IQCM: variants seen among roughly 807,000 people sequenced by gnomAD.
IQCM encodes the protein IQ domain-containing protein M.
A neutral mutation model predicts 57.6 loss-of-function variants in IQCM; 45 were observed. The ratio of observed to expected loss-of-function variants is 0.78; its 90% CI spans 0.62 to 1.00. The LOEUF is 1.00. Ranked by LOEUF, IQCM falls within the 50% of genes least tolerant of loss-of-function variation. IQCM has a pLI of 0.00. For synonymous variants in IQCM, 148 were observed against 158.9 expected (o/e 0.93, Z 0.51); for missense variants, 468 against 511.6 (o/e 0.91, Z 0.82).
At chr4:149,537,861 T>C (rs1747456096) in intron 12 of IQCM, among the ~76,000 whole-genome samples, 2 of 151,610 alleles carry the variant, frequency 1.3e-5, no homozygotes, top group Non-Finnish European at 2.9e-5. Context: ...GAATTCTATA[T>C]CCAGCAAAAA....
chr4:149,568,914 G>A (rs1184677522), intron 9 of IQCM, among the ~76,000 whole-genome samples: 5 of 152,146 alleles, frequency 3.3e-5, no homozygotes, highest in Admixed American at 6.5e-5. Context: ...TCATCAAGAG[G>A]TGGAGTCTAT....
intron 5 of IQCM, chr4:149,690,849 G>A (rs1762892694): frequency 6.6e-6 from 1 of 152,080 alleles, no homozygotes; most frequent in Non-Finnish European, 1.5e-5. Context: ...TTTACTCGGA[G>A]AAGCAACTTT....
chr4:149,527,009 G>A (rs951544920), intron 12 of IQCM, among the ~76,000 whole-genome samples: 9 of 152,210 alleles, frequency 5.9e-5, no homozygotes, highest in African/African-American at 2.2e-4. Flanking sequence ...AGTACAGCAA[G>A]AGGAATTCTA....
intron 12 of IQCM, among the ~76,000 whole-genome samples, chr4:149,470,314 G>A (rs1401441065): frequency 6.6e-6 from 1 of 151,852 alleles, no homozygotes; most frequent in African/African-American, 2.4e-5. Flanking sequence ...AAAAGCAGGG[G>A]TTGCAATACA....
chr4:149,737,886 C>CT (rs1206132101), intron 3 of IQCM, among the ~76,000 whole-genome samples: 1 of 152,094 alleles, frequency 6.6e-6, no homozygotes, highest in Non-Finnish European at 1.5e-5. Flanking sequence ...TTTTAATTCC[C>CT]TTTTTCTGAC....
intron 12 of IQCM, among the ~76,000 whole-genome samples, chr4:149,529,816 C>T (rs1178296874): frequency 2.0e-5 from 3 of 152,162 alleles, no homozygotes; most frequent in East Asian, 3.9e-4. Context: ...ACAGCCCATT[C>T]ACATGAAAGT....
At chr4:149,690,744 A>T (rs1415837557) in intron 5 of IQCM, 1 of 152,114 alleles carries the variant, frequency 6.6e-6, no homozygotes, top group African/African-American at 2.4e-5. Context: ...GGCTGTATTT[A>T]TAAGGTATTG....
intron 7 of IQCM, among the ~76,000 whole-genome samples, chr4:149,653,739 C>T (rs1172991410): frequency 6.6e-6 from 1 of 152,030 alleles, no homozygotes; most frequent in African/African-American, 2.4e-5. Flanking sequence ...CATTTAGAGG[C>T]TGTTTTATAA....
intron 13 of IQCM, among the ~76,000 whole-genome samples, chr4:149,424,823 C>T (rs1161022132): frequency 6.6e-6 from 1 of 151,870 alleles, no homozygotes; most frequent in African/African-American, 2.4e-5. Flanking sequence ...AATTATCATC[C>T]TTATAAATAA....
intron 9 of IQCM, among the ~76,000 whole-genome samples, chr4:149,575,923 C>T (rs147239697): frequency 5.3e-5 from 8 of 151,806 alleles, no homozygotes; most frequent in African/African-American, 1.4e-4. Flanking sequence ...ACTGCTGCTG[C>T]TTGGTTTCAA....
At chr4:149,513,141 C>A (rs986948090) in intron 12 of IQCM, among the ~76,000 whole-genome samples, 8 of 152,098 alleles carry the variant, frequency 5.3e-5, no homozygotes, top group African/African-American at 1.7e-4. Context: ...GAAAAATTTA[C>A]CATTTCCCAT....
intron 13 of IQCM, among the ~76,000 whole-genome samples, chr4:149,412,066 T>C (rs897930971): frequency 6.7e-6 from 1 of 148,730 alleles, no homozygotes; most frequent in South Asian, 2.2e-4. Context: ...GTGTGTGTGT[T>C]TGTGTGTGTG....
At chr4:149,430,056 G>A (rs1386834999) in intron 13 of IQCM, 1 of 1,211,670 alleles carries the variant, frequency 8.3e-7, no homozygotes, top group Non-Finnish European at 1.0e-6. Context: ...TAGCAGTCAG[G>A]TTCTTAATTC....
At chr4:149,373,326 C>G (rs927429143) in intron 13 of IQCM, among the ~76,000 whole-genome samples, 2 of 152,004 alleles carry the variant, frequency 1.3e-5, no homozygotes, top group Non-Finnish European at 2.9e-5. Context: ...GACTTCAAAC[C>G]TAAGTAGTGT....
At chr4:149,450,139 G>A (rs529398284) in intron 12 of IQCM, among the ~76,000 whole-genome samples, 2 of 151,876 alleles carry the variant, frequency 1.3e-5, no homozygotes, top group Non-Finnish European at 2.9e-5. Flanking sequence ...GTTGTACTGA[G>A]AAAACTGGAT....
chr4:149,814,327 C>G (rs1264889039), intron 2 of IQCM, among the ~76,000 whole-genome samples: 1 of 151,960 alleles, frequency 6.6e-6, no homozygotes, highest in East Asian at 1.9e-4. Context: ...AATCATGTTA[C>G]AAGCCTGTAA....
chr4:149,373,806 A>T (rs1730525919), intron 13 of IQCM, among the ~76,000 whole-genome samples: 1 of 152,064 alleles, frequency 6.6e-6, no homozygotes, highest in African/African-American at 2.4e-5. Context: ...AACACTGAGA[A>T]ATTTTAAAAA....
intron 7 of IQCM, among the ~76,000 whole-genome samples, chr4:149,658,349 C>T (rs1318127177): frequency 6.6e-6 from 1 of 151,602 alleles, no homozygotes; most frequent in Non-Finnish European, 1.5e-5. Context: ...CTGTTTTGTT[C>T]CCTTGGTCTA....
At chr4:149,460,414 T>C (rs1327923335) in intron 12 of IQCM, among the ~76,000 whole-genome samples, 3 of 152,218 alleles carry the variant, frequency 2.0e-5, no homozygotes, top group South Asian at 2.1e-4. Context: ...TTTCATAATC[T>C]AATTTTAACT....
Sources: allele counts gnomAD v4.1 joint callset (sites outside exome capture counted in the v4.1 genomes callset), GRCh38; gene constraint gnomAD v4.1.1; transcripts MANE v1.5; gene names NCBI Gene and HGNC (gene_info 2026-07-23, HGNC 2026-07-21).